Variants in PPP1R37 observed in about 807,000 individuals in gnomAD.
The protein encoded by PPP1R37 is protein phosphatase 1 regulatory subunit 37.
Under a neutral mutation model 61.0 loss-of-function variants are expected in PPP1R37, and 21 were observed. The observed-to-expected ratio is 0.34, with a 90% CI of 0.24 to 0.50. The LOEUF (loss-of-function observed/expected upper bound fraction) is 0.50, where lower values mean the gene tolerates loss of function less well. Among genes scored for constraint, PPP1R37 ranks in the 20% least tolerant of loss-of-function variants. PPP1R37 has a pLI of 0.98. For missense variants in PPP1R37, 910 were observed against 952.7 expected (o/e 0.96, Z 0.59); for synonymous variants, 443 against 433.5 (o/e 1.02, Z -0.27).
chr19:45,132,943 C>T (rs1114832), intron 1 of PPP1R37, among the ~76,000 whole-genome samples: 14,013 of 152,220 alleles, frequency 0.092, 775 homozygotes, highest in South Asian at 0.13. Flanking sequence ...ACTCGCCACA[C>T]GACCCTGGGA....
rs369687692 is a variant in PPP1R37 at position 45,113,344 on chromosome 19, A to G, written c.202+19817A>G. On this transcript the variant is annotated intron_variant, in intron 1 of 12. Coordinates refer to ENST00000221462, the MANE Select transcript of PPP1R37 (RefSeq NM_019121.2). The stretch of plus-strand genomic sequence containing the variant: ...GAATCATAATAGCTAGCGTTGGTGG[A>G]ACACCCACTGGGTGCCACGCATGGC... 4.6e-5 allele frequency among the ~76,000 whole-genome samples: 7 copies of G among 152,356 alleles called. No individual in the cohort carries two copies. The South Asian group carries it at 1.4e-3, about 32-fold the overall frequency.
At chr19:45,113,875 T>C (rs1968232013) in intron 1 of PPP1R37, among the ~76,000 whole-genome samples, 1 of 152,166 alleles carries the variant, frequency 6.6e-6, no homozygotes, top group African/African-American at 2.4e-5. Context: ...GTGGGTGTGG[T>C]CAGCGTTTCA....
intron 1 of PPP1R37, among the ~76,000 whole-genome samples, chr19:45,120,254 T>G (rs1968324993): frequency 6.6e-6 from 1 of 152,174 alleles, no homozygotes; most frequent in South Asian, 2.1e-4. Flanking sequence ...CCTGACCTTG[T>G]GATCCGCCCA....
At chr19:45,095,449 T>C (rs1024523548) in intron 1 of PPP1R37, among the ~76,000 whole-genome samples, 1 of 148,840 alleles carries the variant, frequency 6.7e-6, no homozygotes, top group Non-Finnish European at 1.5e-5. Flanking sequence ...CTAGTTATTC[T>C]TAAAGAGGCA....
chr19:45,115,869 G>A (rs1405665398), intron 1 of PPP1R37, among the ~76,000 whole-genome samples: 1 of 152,016 alleles, frequency 6.6e-6, no homozygotes, highest in Non-Finnish European at 1.5e-5. Flanking sequence ...ACCTACTCGG[G>A]AGGCTGAGGG....
intron 1 of PPP1R37, among the ~76,000 whole-genome samples, chr19:45,096,769 T>G (rs1160439880): frequency 6.6e-6 from 1 of 151,958 alleles, no homozygotes; most frequent in East Asian, 1.9e-4. Context: ...TAAGGTCTGG[T>G]TGGGACTCAC....
intron 1 of PPP1R37, among the ~76,000 whole-genome samples, chr19:45,122,690 G>A (rs1968356608): frequency 6.6e-6 from 1 of 152,032 alleles, no homozygotes; most frequent in South Asian, 2.1e-4. Context: ...TGAGGAAGAG[G>A]GGTGCTCTGG....
rs1967943494 is a variant in PPP1R37 at position 45,093,216 on chromosome 19, G to T, written c.-110G>T. 2.2e-6 allele frequency: 2 copies of T among 893,042 alleles called. No homozygotes were observed. Among genetic ancestry groups the T allele is most frequent in the Non-Finnish European group, 3.1e-6 (2 of 655,382 alleles). The allele number at this position is 893,042 out of a possible 1,614,324, so 55.3% of individuals were successfully genotyped here. Reference sequence around the variant, plus strand: ...CACTAGGAGAGCGGACGGAGGCGGCGCCTGAAGCGGCGGCGGAGCCCATGC... The same window carrying T: ...CACTAGGAGAGCGGACGGAGGCGGCTCCTGAAGCGGCGGCGGAGCCCATGC... On this transcript the variant is annotated 5_prime_UTR_variant, in exon 1 of 13. Transcript: ENST00000221462.
In PPP1R37 at chr19:45,093,415, C is replaced by T. The variant is rs1164481375; in HGVS notation, c.90C>T (p.Pro30=). The change falls in exon 1 of 13, where the codon CCC becomes CCT. Residue 30 remains proline (P), a synonymous_variant. Coordinates refer to ENST00000221462, the MANE Select transcript of PPP1R37 (RefSeq NM_019121.2). The stretch of plus-strand genomic sequence containing the variant: ...CAGCTGAGGCCGGGTCTCCCAGCCC[C>T]GCGTCGCCCCCCGCCGATGGGCGCC... The part of the protein sequence containing the change: ...EAPAEAGSPS[P]ASPPADGRLK... 2 of 1,534,500 alleles carry T rather than the reference C, an allele frequency of 1.3e-6. No individual in the cohort carries two copies. Among genetic ancestry groups the T allele is most frequent in the South Asian group, 1.2e-5 (1 of 83,932 alleles).
chr19:45,112,218 G>A (rs1476455043), intron 1 of PPP1R37, among the ~76,000 whole-genome samples: 2 of 114,316 alleles, frequency 1.7e-5, no homozygotes, highest in African/African-American at 3.3e-5. Context: ...CAAGTGATCC[G>A]CCCGCCTCTG....
In PPP1R37 at chr19:45,145,817, C is replaced by G. The variant is rs775755455; in HGVS notation, c.1761C>G (p.Pro587=). Residue 587 remains proline, a synonymous_variant, in exon 11 of 13, where the codon CCC becomes CCG. Coordinates refer to ENST00000221462, the MANE Select transcript of PPP1R37 (RefSeq NM_019121.2). ...AGAGGGCAGAGCCCCCTGCGTCCCC[C>G]ACCCCTCCCTCTCCCCCACCCCCTC... is the stretch of plus-strand genomic sequence containing the variant. ...PPERAEPPAS[P]TPPSPPPPPS... The G allele has an allele frequency of 7.1e-7, 1 of 1,414,312 alleles. No individual in the cohort carries two copies. The highest frequency in any genetic ancestry group is 9.3e-7 in the Non-Finnish European group (1 of 1,074,638). The allele number at this position is 1,414,312 out of a possible 1,614,324, so 87.6% of individuals were successfully genotyped here.
chr19:45,102,446 G>A lies in PPP1R37; in HGVS notation c.202+8919G>A, dbSNP rs188878796. 1.7e-3 allele frequency among the ~76,000 whole-genome samples: 256 copies of A among 152,330 alleles called. 1 individual carries two copies. The highest frequency in any genetic ancestry group is 5.8e-3 in the African/African-American group (241 of 41,576). ...CAGTGTCCCCATTTGTATGGGGATT[G>A]AGGATTAAATTAGCCTCTACTTGGA... On this transcript the variant is annotated intron_variant, in intron 1 of 12. Transcript: ENST00000221462.
rs551830055 is a variant in PPP1R37, at chr19:45,146,440, G to T, written c.2044G>T (p.Ala682Ser). Residue 682 changes from alanine to serine, a missense_variant, in exon 12 of 13, where the codon GCC becomes TCC. Physicochemically the swap from Ala to Ser is moderately conservative, Grantham distance 99. Coordinates refer to ENST00000221462, the MANE Select transcript of PPP1R37 (RefSeq NM_019121.2). ...GGAGCTCGAGGAGCTGCTTCTGGAA[G>T]CCAGTCAGGAATCCGGGCAGGAGAC... is the stretch of plus-strand genomic sequence containing the variant. ...EKELEELLLEASQESGQETL is the reference protein window; with the variant it reads ...EKELEELLLESSQESGQETL The T allele has an allele frequency of 1.3e-6, 2 of 1,535,884 alleles. No homozygotes were observed. The highest frequency in any genetic ancestry group is 1.7e-6 in the Non-Finnish European group (2 of 1,146,788).
In PPP1R37 at chr19:45,145,689, C is replaced by T. The variant is rs771114889; in HGVS notation, c.1633C>T (p.Pro545Ser). 8.5e-6 allele frequency: 13 copies of T among 1,534,486 alleles called. No individual in the cohort carries two copies. The highest frequency in any genetic ancestry group is 1.1e-5 in the Non-Finnish European group (13 of 1,146,094). The change falls in exon 11 of 13, where the codon CCC (proline) becomes TCC (serine). Residue 545 changes from proline (P) to serine (S), a missense_variant. Physicochemically the swap from Pro to Ser is moderately conservative, Grantham distance 74. Transcript: ENST00000221462. ...TDSLGPGDRS[P>S]PGSPSTPTEQ... ...CTCCCTGGGCCCTGGGGACAGGAGT[C>T]CCCCAGGCAGCCCCTCCACACCCAC...
chr19:45,118,511 C>T (rs567923788), intron 1 of PPP1R37, among the ~76,000 whole-genome samples: 1 of 152,314 alleles, frequency 6.6e-6, no homozygotes, highest in East Asian at 1.9e-4. Flanking sequence ...GGGGTCCCGG[C>T]CATATCCCCT....
chr19:45,099,598 G>A (rs947943115), intron 1 of PPP1R37, among the ~76,000 whole-genome samples: 1 of 152,212 alleles, frequency 6.6e-6, no homozygotes, highest in Non-Finnish European at 1.5e-5. Flanking sequence ...GTGACTCGCC[G>A]CTCTCCGTGC....
chr19:45,145,812 T>TGGC lies in PPP1R37; in HGVS notation c.1756_1757insGGC (p.Ser586delinsTrpPro). On this transcript the variant is annotated protein_altering_variant, in exon 11 of 13. Coordinates refer to ENST00000221462, the MANE Select transcript of PPP1R37 (RefSeq NM_019121.2). ...GCCCGAGAGGGCAGAGCCCCCTGCG[T>TGGC]CCCCCACCCCTCCCTCTCCCCCACC... 42 of 1,227,166 alleles carry TGGC rather than the reference T, an allele frequency of 3.4e-5. No homozygotes were observed. Among genetic ancestry groups the TGGC allele is most frequent in the Non-Finnish European group, 4.0e-5 (37 of 921,692 alleles). 76.0% of individuals were successfully genotyped at this position (1,227,166 alleles called of 1,614,324 possible).
intron 1 of PPP1R37, among the ~76,000 whole-genome samples, chr19:45,115,779 A>G (rs556071306): frequency 4.9e-4 from 75 of 152,314 alleles, no homozygotes; most frequent in Non-Finnish European, 4.9e-4. Context: ...GTTCGAGACC[A>G]GCCTGGCCAA....
At chr19:45,141,058 A>G (rs1743565394) in intron 4 of PPP1R37, among the ~76,000 whole-genome samples, 1 of 152,192 alleles carries the variant, frequency 6.6e-6, no homozygotes, top group African/African-American at 2.4e-5. Flanking sequence ...AGGCTCAGGA[A>G]CACCAAGGCC....
Sources: gnomAD v4.1 joint callset for allele counts (sites outside exome capture counted in the v4.1 genomes callset) on GRCh38, gnomAD v4.1.1 for gene constraint, MANE v1.5 for transcripts, NCBI Gene and HGNC (gene_info 2026-07-23, HGNC 2026-07-21) for gene names.